The following NEUROD4 variants were observed in gnomAD, a reference collection of about 807,000 sequenced individuals.
NEUROD4 encodes the protein neurogenic differentiation factor 4.
Under a neutral mutation model 19.8 loss-of-function variants are expected in NEUROD4, and 16 were observed. The ratio of observed to expected loss-of-function variants is 0.81; its 90% CI spans 0.55 to 1.23. NEUROD4 has a LOEUF of 1.23. NEUROD4 is among the 50% of genes most tolerant of loss of function. The probability of loss-of-function intolerance (pLI) is 0.00; values close to 1 mark genes in which losing one functional copy is unlikely to be tolerated. For missense variants in NEUROD4, 439 were observed against 398.6 expected, an observed-to-expected ratio of 1.10 and a Z score of -0.86; for synonymous variants, 153 against 147.9, an observed-to-expected ratio of 1.03 and a Z score of -0.25.
At position 55,027,929 on chromosome 12, in the gene NEUROD4, G is replaced by A. The variant is rs1018666175; in HGVS notation, c.*494G>A. 5.9e-6 allele frequency: 1 copy of A among 168,460 alleles called. No individual in the cohort carries two copies. The allele number at this position is 168,460 out of a possible 1,614,324, so 10.4% of individuals were successfully genotyped here. On this transcript the variant is annotated 3_prime_UTR_variant, in exon 2 of 2. Coordinates refer to ENST00000242994, the MANE Select transcript of NEUROD4 (RefSeq NM_021191.3). ...AATAGAGAAATAATAGGAAAGGGATGCTATGCATAGAATGATCAAATTGAA... is the reference window on the plus strand; with the variant it reads ...AATAGAGAAATAATAGGAAAGGGATACTATGCATAGAATGATCAAATTGAA...
chr12:55,026,152 T>C (rs1952725685), intron 1 of NEUROD4, among the ~76,000 whole-genome samples: 1 of 152,120 alleles, frequency 6.6e-6, no homozygotes, highest in Admixed American at 6.5e-5. Flanking sequence ...TTTGGACTGG[T>C]ATATCAGTCA....
At chr12:55,023,398 A>C (rs1194060086) in intron 1 of NEUROD4, among the ~76,000 whole-genome samples, 1 of 152,184 alleles carries the variant, frequency 6.6e-6, no homozygotes, top group Non-Finnish European at 1.5e-5. Flanking sequence ...ACCCAAGAAT[A>C]AACAGGAAAT....
rs1952740306 is a variant in NEUROD4 at position 55,026,941 on chromosome 12, A to G, written c.502A>G (p.Asn168Asp). 1 of 1,614,206 alleles carries G rather than the reference A, an allele frequency of 6.2e-7. No homozygotes were observed. Among genetic ancestry groups the G allele is most frequent in the East Asian group, 2.2e-5 (1 of 44,878 alleles). ...LCKGLSQPTS[N>D]LVAGCLQLGP... ...TAAAGGGCTCTCTCAGCCCACAAGC[A>G]ACCTGGTGGCTGGATGTCTCCAACT... The change falls in exon 2 of 2, where the codon AAC becomes GAC. Residue 168 changes from asparagine (N) to aspartate (D), a missense_variant. By Grantham distance (23) the Asn-to-Asp change is conservative. Transcript: ENST00000242994.
At position 55,026,827 on chromosome 12, in the gene NEUROD4, A is replaced by C; in HGVS notation, c.388A>C (p.Arg130=). The C allele has an allele frequency of 6.2e-7, 1 of 1,614,142 alleles. No individual in the cohort carries two copies. Among genetic ancestry groups the C allele is most frequent in the Non-Finnish European group, 8.5e-7 (1 of 1,179,996 alleles). The change falls in exon 2 of 2, where the codon AGA becomes CGA. Residue 130 remains arginine, a synonymous_variant. Coordinates refer to ENST00000242994, the MANE Select transcript of NEUROD4 (RefSeq NM_021191.3). ...AAAACTTTCCAAGATAGAGACTCTTAGACTGGCCAGGAACTATATTTGGGC... is the reference window on the plus strand; with the variant it reads ...AAAACTTTCCAAGATAGAGACTCTTCGACTGGCCAGGAACTATATTTGGGC... The part of the protein sequence containing the change: ...TQKLSKIETL[R]LARNYIWALS...
chr12:55,026,266 C>A (rs1449495534), intron 1 of NEUROD4, among the ~76,000 whole-genome samples, 165 bp from the exon 2 acceptor site: 1 of 152,062 alleles, frequency 6.6e-6, no homozygotes, highest in Non-Finnish European at 1.5e-5. Flanking sequence ...AATATATTTT[C>A]TTATACTATG....
At chr12:55,021,376 G>T (rs1592451696) in intron 1 of NEUROD4, among the ~76,000 whole-genome samples, 1 of 152,188 alleles carries the variant, frequency 6.6e-6, no homozygotes, top group African/African-American at 2.4e-5. Context: ...TAGAAACTGG[G>T]CTGGACAGCC....
chr12:55,023,863 T>C (rs1952694858), intron 1 of NEUROD4, among the ~76,000 whole-genome samples: 2 of 152,318 alleles, frequency 1.3e-5, no homozygotes, highest in African/African-American at 2.4e-5. Context: ...CCATTAAATA[T>C]GTTAGAAGTA....
Position 55,028,063 on chromosome 12 carries a change from C to A in NEUROD4, c.*628C>A, listed in dbSNP as rs575743713. On this transcript the variant is annotated 3_prime_UTR_variant, in exon 2 of 2. Coordinates refer to ENST00000242994, the MANE Select transcript of NEUROD4 (RefSeq NM_021191.3). ...TCTATTGAAAAATAGCTTCTGGAAGCTAAAAGTCTAACATGGCTGTCACTG... is the reference window on the plus strand; with the variant it reads ...TCTATTGAAAAATAGCTTCTGGAAGATAAAAGTCTAACATGGCTGTCACTG... 6.0e-6 allele frequency: 1 copy of A among 167,122 alleles called. No homozygotes were observed. Among genetic ancestry groups the A allele is most frequent in the African/African-American group, 2.4e-5 (1 of 41,560 alleles). 10.4% of individuals were successfully genotyped at this position (167,122 alleles called of 1,614,324 possible).
Position 55,027,357 on chromosome 12 carries a change from T to A in NEUROD4, c.918T>A (p.Asp306Glu), listed in dbSNP as rs761933343. The A allele has an allele frequency of 3.1e-6, 5 of 1,614,098 alleles. No individual in the cohort carries two copies. In the South Asian group the frequency reaches 3.3e-5, roughly 11 times the overall value. Residue 306 changes from aspartate to glutamate, a missense_variant, in exon 2 of 2, where the codon GAT becomes GAA. Transcript: ENST00000242994. The stretch of plus-strand genomic sequence containing the variant: ...TTCAGGCTGGTACCCCCCGTTATGA[T>A]GTTCCTATAGACATGTCCTATGATT... The part of the protein sequence containing the change: ...TPFQAGTPRY[D>E]VPIDMSYDSY...
intron 1 of NEUROD4, among the ~76,000 whole-genome samples, 171 bp downstream of exon 1, chr12:55,020,484 A>G (rs963209019): frequency 1.3e-5 from 2 of 152,228 alleles, no homozygotes; most frequent in African/African-American, 2.4e-5. Context: ...AGGGACAAAT[A>G]TAAACATTTT....
At chr12:55,022,540 T>C (rs1344002316) in intron 1 of NEUROD4, among the ~76,000 whole-genome samples, 1 of 152,192 alleles carries the variant, frequency 6.6e-6, no homozygotes, top group Non-Finnish European at 1.5e-5. Context: ...ACACTGCATA[T>C]TATCCTCAGA....
intron 1 of NEUROD4, among the ~76,000 whole-genome samples, chr12:55,022,059 A>C (rs1375876795): frequency 6.6e-6 from 1 of 152,160 alleles, no homozygotes; most frequent in Non-Finnish European, 1.5e-5. Flanking sequence ...TTGGCATAAC[A>C]ATTTTACAAA....
At chr12:55,021,094 C>T (rs2136237888) in intron 1 of NEUROD4, among the ~76,000 whole-genome samples, 1 of 152,300 alleles carries the variant, frequency 6.6e-6, no homozygotes, top group African/African-American at 2.4e-5. Flanking sequence ...TGAATAACTT[C>T]TGTTAACTAT....
In NEUROD4 at chr12:55,028,758, A is replaced by G. The variant is rs1218823282; in HGVS notation, c.*1323A>G. ...GACCAAACTTAAGGATGCAGAAATG[A>G]AATCCAAGGTTGGTGAATATTTTTA... On this transcript the variant is annotated 3_prime_UTR_variant, in exon 2 of 2. Transcript: ENST00000242994. 2 of 166,938 alleles carry G rather than the reference A, an allele frequency of 1.2e-5. No homozygotes were observed. Among genetic ancestry groups the G allele is most frequent in the Non-Finnish European group, 2.9e-5 (2 of 68,116 alleles). The allele number at this position is 166,938 out of a possible 1,614,324, so 10.3% of individuals were successfully genotyped here. A position where few individuals can be genotyped will look rare whatever the true frequency, so the allele number is the denominator to read the frequency against.
intron 1 of NEUROD4, among the ~76,000 whole-genome samples, chr12:55,025,369 G>T (rs1360187814): frequency 1.3e-5 from 2 of 152,092 alleles, no homozygotes; most frequent in Non-Finnish European, 2.9e-5. Flanking sequence ...AGTTCCACTA[G>T]TTCCACTAGT....
In NEUROD4 at chr12:55,026,730, G is replaced by C. The variant is rs267603557; in HGVS notation, c.291G>C (p.Arg97=). The C allele has an allele frequency of 1.9e-6, 3 of 1,614,190 alleles. No homozygotes were observed. The East Asian group carries it at 6.7e-5, about 36-fold the overall frequency. The part of the protein sequence containing the change: ...ARRVKANARE[R]TRMHGLNDAL... ...GAGTCAAGGCTAATGCCAGAGAACGGACCCGGATGCATGGCCTGAATGACG... is the reference window on the plus strand; with the variant it reads ...GAGTCAAGGCTAATGCCAGAGAACGCACCCGGATGCATGGCCTGAATGACG... Residue 97 remains arginine, a synonymous_variant, in exon 2 of 2, where the codon CGG becomes CGC. Coordinates refer to ENST00000242994, the MANE Select transcript of NEUROD4 (RefSeq NM_021191.3).
Position 55,026,484 on chromosome 12 carries a change from C to A in NEUROD4, c.45C>A (p.Val15=). 1 of 1,613,238 alleles carries A rather than the reference C, an allele frequency of 6.2e-7. No individual in the cohort carries two copies. The highest frequency in any genetic ancestry group is 1.1e-5 in the South Asian group (1 of 90,836). ...AATCCAAGGAGATGGGAGAGCTAGTCAACACACCATCCTGGATGGATAAAG... is the reference window on the plus strand; with the variant it reads ...AATCCAAGGAGATGGGAGAGCTAGTAAACACACCATCCTGGATGGATAAAG... The part of the protein sequence containing the change: ...FVKSKEMGEL[V]NTPSWMDKGL... The change falls in exon 2 of 2, where the codon GTC becomes GTA. Residue 15 remains valine (V), a synonymous_variant. Coordinates refer to ENST00000242994, the MANE Select transcript of NEUROD4 (RefSeq NM_021191.3).
intron 1 of NEUROD4, among the ~76,000 whole-genome samples, chr12:55,024,712 T>C (rs1952707120): frequency 6.6e-6 from 1 of 152,196 alleles, no homozygotes; most frequent in Admixed American, 6.5e-5. Context: ...ATTTTCTGAG[T>C]TGGCCTGGGC....
chr12:55,024,022 T>C lies in NEUROD4; in HGVS notation c.-9-2409T>C, dbSNP rs539300192. On this transcript the variant is annotated intron_variant, in intron 1 of 1. Coordinates refer to ENST00000242994, the MANE Select transcript of NEUROD4 (RefSeq NM_021191.3). ...GGATGGTATTCAGATCCAGGGACAA[T>C]TCAGGAGACTCTCCTCTCTTGCACC... Among the ~76,000 whole-genome samples, 37 of 152,314 alleles carry C rather than the reference T, an allele frequency of 2.4e-4. 1 individual carries two copies. The East Asian group carries it at 6.6e-3, about 27-fold the overall frequency.
Sources: gnomAD v4.1 joint callset for allele counts (sites outside exome capture counted in the v4.1 genomes callset) on GRCh38, gnomAD v4.1.1 for gene constraint, MANE v1.5 for transcripts, NCBI Gene and HGNC (gene_info 2026-07-23, HGNC 2026-07-21) for gene names.